GSPT1: variants seen among roughly 807,000 people sequenced by gnomAD.
GSPT1 encodes the protein G1 to S phase transition 1.
In GSPT1, 20 loss-of-function variants were observed where a neutral mutation model predicts 72.5. The observed-to-expected ratio is 0.28, with a 90% CI of 0.19 to 0.40. The LOEUF (loss-of-function observed/expected upper bound fraction) is 0.40. Ranked by LOEUF, GSPT1 falls within the 10% of genes least tolerant of loss-of-function variation. The pLI, the probability that GSPT1 is intolerant of heterozygous loss-of-function variation, is 1.00. For synonymous variants in GSPT1, 334 were observed against 293.5 expected (o/e 1.14, Z -1.41); for missense variants, 580 against 811.9 (o/e 0.71, Z 3.47).
At chr16:11,910,760 T>TA (rs1351830166) in intron 1 of GSPT1, among the ~76,000 whole-genome samples, 4 of 152,086 alleles carry the variant, frequency 2.6e-5, no homozygotes, top group Admixed American at 2.0e-4. Context: ...TCAGAAAAGG[T>TA]AAAAAATAAA....
At chr16:11,888,772 TAAATA>T (rs1046665934) in intron 6 of GSPT1, among the ~76,000 whole-genome samples, 4 of 151,964 alleles carry the variant, frequency 2.6e-5, no homozygotes, top group Non-Finnish European at 5.9e-5. Flanking sequence ...AAAAAATAAA[TAAATA>T]AAATAAAACT....
chr16:11,876,573 C>G (rs2054049767), intron 12 of GSPT1, among the ~76,000 whole-genome samples: 1 of 152,122 alleles, frequency 6.6e-6, no homozygotes, highest in Non-Finnish European at 1.5e-5. Context: ...GAAACCCTGT[C>G]TCTACTAAAA....
chr16:11,912,011 G>A (rs1318949054), intron 1 of GSPT1, among the ~76,000 whole-genome samples: 1 of 141,094 alleles, frequency 7.1e-6, no homozygotes, highest in African/African-American at 2.7e-5. Flanking sequence ...TGAAAAGGGT[G>A]AATTTTACAG....
rs2053944392 is a variant in GSPT1 at position 11,868,544 on chromosome 16, C to G, written c.*4575G>C. The G allele has an allele frequency of 6.6e-6, 1 of 152,058 alleles. No individual in the cohort carries two copies. The highest frequency in any genetic ancestry group is 1.5e-5 in the Non-Finnish European group (1 of 68,032). 9.4% of individuals were successfully genotyped at this position (152,058 alleles called of 1,614,324 possible). A position where few individuals can be genotyped will look rare whatever the true frequency, so the allele number is the denominator to read the frequency against. ...ATGTAGACCTTGCAGGAGGCTTAGA[C>G]CTCAGTTTCACCTAATGCATGTGGA... On this transcript the variant is annotated 3_prime_UTR_variant, in exon 15 of 15. Transcript: ENST00000434724.
chr16:11,890,976 A>G (rs2054251216), intron 6 of GSPT1, 86 bp downstream of exon 6: 1 of 666,626 alleles, frequency 1.5e-6, no homozygotes, highest in Non-Finnish European at 2.6e-6. Flanking sequence ...GACTTCAACA[A>G]TTTATATTTT....
Position 11,915,909 on chromosome 16 carries a change from AGAGGC to A in GSPT1, c.-194_-190del. The stretch of plus-strand genomic sequence containing the variant: ...CCGACTCCACACTCGCGACGACGAC[AGAGGC>A]GGCGGCGGCGGCAGCTCAACCCTCC... On this transcript the variant is annotated 5_prime_UTR_variant, in exon 1 of 15. Transcript: ENST00000434724. 1.2e-6 allele frequency: 1 copy of A among 853,184 alleles called. No individual in the cohort carries two copies. The highest frequency in any genetic ancestry group is 2.0e-6 in the Non-Finnish European group (1 of 506,378). 52.9% of individuals were successfully genotyped at this position (853,184 alleles called of 1,614,324 possible). A position where few individuals can be genotyped will look rare whatever the true frequency, so the allele number is the denominator to read the frequency against.
chr16:11,887,512 A>G, intron 7 of GSPT1, 58 bp downstream of exon 7: 1 of 1,364,184 alleles, frequency 7.3e-7, no homozygotes, highest in South Asian at 1.2e-5. Flanking sequence ...ATTCAAATTT[A>G]AAGATATAAG....
chr16:11,898,184 A>C lies in GSPT1; in HGVS notation c.353-149T>G, dbSNP rs1055780579. 7 of 605,422 alleles carry C rather than the reference A, an allele frequency of 1.2e-5. No homozygotes were observed. In the African/African-American group the frequency reaches 1.3e-4, roughly 11 times the overall value. 37.5% of individuals were successfully genotyped at this position (605,422 alleles called of 1,614,324 possible). On this transcript the variant is annotated intron_variant, in intron 1 of 14. Coordinates refer to ENST00000434724, the MANE Select transcript of GSPT1 (RefSeq NM_002094.4). The stretch of plus-strand genomic sequence containing the variant: ...TCAATGGCAGCTAACTCAGGCCTTC[A>C]AGTTAGAAGTCTCTGCTTAACCTAC...
chr16:11,887,238 C>T (rs192252160), intron 7 of GSPT1, among the ~76,000 whole-genome samples: 1 of 152,038 alleles, frequency 6.6e-6, no homozygotes, highest in East Asian at 1.9e-4. Flanking sequence ...TTGTGAAAAG[C>T]GCAAAATGAC....
intron 1 of GSPT1, among the ~76,000 whole-genome samples, chr16:11,911,650 T>G (rs1286652750): frequency 6.6e-6 from 1 of 150,508 alleles, no homozygotes; most frequent in Admixed American, 6.7e-5. Flanking sequence ...CCTCCCAGAT[T>G]CAAGTGATTC....
In GSPT1 at chr16:11,894,043, C is replaced by T. The variant is rs1443859289; in HGVS notation, c.698+911G>A. Among the ~76,000 whole-genome samples, 4 of 151,496 alleles carry T rather than the reference C, an allele frequency of 2.6e-5. No homozygotes were observed. The Middle Eastern group carries it at 0.01, about 386-fold the overall frequency. On this transcript the variant is annotated intron_variant, in intron 5 of 14. Coordinates refer to ENST00000434724, the MANE Select transcript of GSPT1 (RefSeq NM_002094.4). ...TGGTTGCATGCACCTGTGATCCCAC[C>T]TGCTTGGGAGGCTGAGGTGGAAGGA... is the stretch of plus-strand genomic sequence containing the variant.
chr16:11,899,775 A>G (rs1217718151), intron 1 of GSPT1, among the ~76,000 whole-genome samples: 1 of 152,108 alleles, frequency 6.6e-6, no homozygotes, highest in Non-Finnish European at 1.5e-5. Flanking sequence ...CCACCCTAAG[A>G]AGGAGGTGAC....
At position 11,877,582 on chromosome 16, in the gene GSPT1, TTTA is replaced by T. The variant is rs1475495575; in HGVS notation, c.1429-5_1429-3del. 4 of 1,577,842 alleles carry T rather than the reference TTTA, an allele frequency of 2.5e-6. No homozygotes were observed. In the South Asian group the frequency reaches 3.5e-5, roughly 14 times the overall value. On this transcript the variant is annotated splice_region_variant and splice_polypyrimidine_tract_variant and intron_variant, in intron 11 of 14. Coordinates refer to ENST00000434724, the MANE Select transcript of GSPT1 (RefSeq NM_002094.4). This position sits in a 1 kb window ranked among gnomAD's most constrained non-coding sequence, Gnocchi z 4.0. Reference sequence around the variant, plus strand: ...TATTCCAAGAACTTCCACGTTGTGCTTTAAAAGAAAACAAGACTGGAGGTTTTC... The same window carrying T: ...TATTCCAAGAACTTCCACGTTGTGCTAAAGAAAACAAGACTGGAGGTTTTC...
intron 10 of GSPT1, among the ~76,000 whole-genome samples, chr16:11,884,253 C>G (rs2054159501): frequency 6.6e-6 from 1 of 152,104 alleles, no homozygotes; most frequent in African/African-American, 2.4e-5. Context: ...GAAGTTAGCA[C>G]AGTATTTTTG....
intron 2 of GSPT1, 55 bp from the exon 3 acceptor site, chr16:11,897,936 A>G (rs1026298760): frequency 1.4e-6 from 2 of 1,431,798 alleles, no homozygotes; most frequent in Non-Finnish European, 1.9e-6. Context: ...CTAGCTTTAC[A>G]CACCATATAG....
chr16:11,897,742 T>G (rs1352841287), intron 3 of GSPT1, 98 bp downstream of exon 3: 6 of 702,234 alleles, frequency 8.5e-6, no homozygotes, highest in Non-Finnish European at 1.6e-5. Context: ...GTCTTAAATG[T>G]AGGCATTACA....
At chr16:11,914,438 C>T (rs1235756684) in intron 1 of GSPT1, among the ~76,000 whole-genome samples, 5 of 152,082 alleles carry the variant, frequency 3.3e-5, no homozygotes, top group Non-Finnish European at 7.4e-5. Flanking sequence ...AAAGTTAACT[C>T]GAAATTTTAT....
chr16:11,895,799 G>C (rs1038937845), intron 4 of GSPT1, among the ~76,000 whole-genome samples: 2 of 152,098 alleles, frequency 1.3e-5, no homozygotes, highest in African/African-American at 2.4e-5. Context: ...GCTAATTTTT[G>C]TATTTTTAGT....
intron 14 of GSPT1, 103 bp from the exon 15 acceptor site, chr16:11,873,274 A>T (rs2053998703): frequency 1.6e-6 from 1 of 606,326 alleles, no homozygotes; most frequent in South Asian, 2.2e-5. Context: ...TTTACAATGT[A>T]AGTTACTAAT....
Sources: allele counts gnomAD v4.1 joint callset (sites outside exome capture counted in the v4.1 genomes callset), GRCh38; gene constraint gnomAD v4.1.1; non-coding constraint Gnocchi (gnomAD v3.1); transcripts MANE v1.5; gene names NCBI Gene and HGNC (gene_info 2026-07-23, HGNC 2026-07-21).